FLT4: variants seen among roughly 807,000 people sequenced by gnomAD.
FLT4 encodes vascular endothelial growth factor receptor 3.
In FLT4, 30 loss-of-function variants were observed where a neutral mutation model predicts 163.2. That is an observed-to-expected ratio of 0.18 (90% CI 0.14 to 0.25). The LOEUF (loss-of-function observed/expected upper bound fraction) is 0.25, where lower values mean the gene tolerates loss of function less well. FLT4 is among the 10% of genes least tolerant of loss of function. The pLI is 1.00. For missense variants in FLT4, 1,510 were observed against 1,863.8 expected (o/e 0.81, Z 3.50); for synonymous variants, 884 against 789.5 (o/e 1.12, Z -2.01).
intron 1 of FLT4, among the ~76,000 whole-genome samples, chr5:180,647,798 AT>A (rs1440399850): frequency 6.6e-6 from 1 of 152,042 alleles, no homozygotes; most frequent in African/African-American, 2.4e-5. Flanking sequence ...CGCCCAACTA[AT>A]GCCCTCTCTC....
rs1486193235 is a variant in FLT4, at chr5:180,620,374, C to T, written c.2407-66G>A. The stretch of plus-strand genomic sequence containing the variant: ...TTTGGCCATACCACTGTGGCTTGGG[C>T]AGAACTTTGCCCAGGACAGATGGCA... On this transcript the variant is annotated intron_variant, in intron 16 of 29. Transcript: ENST00000261937. This position sits in a 1 kb window ranked among gnomAD's most constrained non-coding sequence, Gnocchi z 4.4. 2 of 1,594,874 alleles carry T rather than the reference C, an allele frequency of 1.3e-6. No homozygotes were observed. Among genetic ancestry groups the T allele is most frequent in the Non-Finnish European group, 1.7e-6 (2 of 1,170,932 alleles).
intron 1 of FLT4, among the ~76,000 whole-genome samples, chr5:180,633,909 C>A (rs940450027): frequency 9.9e-5 from 15 of 152,180 alleles, no homozygotes; most frequent in Non-Finnish European, 1.9e-4. Flanking sequence ...ATCCCGCCAC[C>A]CCTACTGAGG....
intron 29 of FLT4, chr5:180,608,245 T>A (rs980431265): frequency 1.4e-6 from 1 of 700,710 alleles, no homozygotes; most frequent in African/African-American, 1.7e-5. Context: ...GAGAAGAAAA[T>A]GCTGACGTAT....
At chr5:180,613,528 C>T (rs1259721270) in intron 24 of FLT4, 1 of 247,014 alleles carries the variant, frequency 4.0e-6, no homozygotes, top group Non-Finnish European at 7.8e-6. Flanking sequence ...CCTCCCAACC[C>T]CTGCTGCTCC....
At chr5:180,641,637 G>C (rs13354923) in intron 1 of FLT4, among the ~76,000 whole-genome samples, 7 of 152,134 alleles carry the variant, frequency 4.6e-5, no homozygotes, top group African/African-American at 1.7e-4. Flanking sequence ...CAGGGACCTG[G>C]GGGGAGGCAG....
intron 21 of FLT4, 88 bp from the exon 22 acceptor site, chr5:180,617,082 AGCCCCTCTCCT>A: frequency 1.1e-6 from 1 of 938,332 alleles, no homozygotes; most frequent in East Asian, 2.5e-5. Context: ...CAAGCATGTC[AGCCCCTCTCCT>A]GCCCCTCAGA....
intron 28 of FLT4, 78 bp downstream of exon 28, chr5:180,609,827 G>A (rs1018143812): frequency 4.4e-6 from 7 of 1,574,086 alleles, no homozygotes; most frequent in African/African-American, 4.1e-5. Flanking sequence ...TTTGCCTTAC[G>A]AATTCCTGAC....
At position 180,611,678 on chromosome 5, in the gene FLT4, CCT is replaced by C. The variant is rs10578761; in HGVS notation, c.3538-201_3538-200del. Reference sequence around the variant, plus strand: ...CTCGGGACTGCTTGGGCTCCTGACCCCTGAGATAGGGCCCTAACAGACCATGC... The same window carrying C: ...CTCGGGACTGCTTGGGCTCCTGACCCGAGATAGGGCCCTAACAGACCATGC... On this transcript the variant is annotated intron_variant, in intron 26 of 29. Transcript: ENST00000261937. The C allele has an allele frequency of 0.63, 399,319 of 635,644 alleles. 128,263 individuals carry two copies. Among genetic ancestry groups the C allele is most frequent in the Admixed American group, 0.71 (29,201 of 40,962 alleles). The allele number at this position is 635,644 out of a possible 1,614,324, so 39.4% of individuals were successfully genotyped here.
intron 23 of FLT4, among the ~76,000 whole-genome samples, chr5:180,614,466 T>C (rs1762477004): frequency 6.6e-6 from 1 of 152,060 alleles, no homozygotes; most frequent in African/African-American, 2.4e-5. Flanking sequence ...GGGTAGACTG[T>C]ACACCTTCCT....
rs567611756 is a variant in FLT4, at chr5:180,644,996, G to A, written c.58+4492C>T. On this transcript the variant is annotated intron_variant, in intron 1 of 29. Coordinates refer to ENST00000261937, the MANE Select transcript of FLT4 (RefSeq NM_182925.5). ...CCCAAAGGGCACGTCCAGGGTGGGC[G>A]AAAGGCCATGGTGCTGGGGCTGGTG... is the stretch of plus-strand genomic sequence containing the variant. 3.9e-5 allele frequency among the ~76,000 whole-genome samples: 6 copies of A among 152,344 alleles called. No individual in the cohort carries two copies. In the South Asian group the frequency reaches 8.3e-4, roughly 21 times the overall value.
chr5:180,602,573 G>A lies in FLT4; in HGVS notation c.*619C>T, dbSNP rs1761570684. The A allele has an allele frequency of 1.5e-5, 6 of 400,364 alleles. No individual in the cohort carries two copies. The highest frequency in any genetic ancestry group is 2.6e-5 in the Non-Finnish European group (6 of 227,086). The allele number at this position is 400,364 out of a possible 1,614,324, so 24.8% of individuals were successfully genotyped here. A position where few individuals can be genotyped will look rare whatever the true frequency, so the allele number is the denominator to read the frequency against. ...TGTGCGGGCTGCCTCTGTGTTGCCAGCGTATAATACTGTCATACTGGTGGC... is the reference window on the plus strand; with the variant it reads ...TGTGCGGGCTGCCTCTGTGTTGCCAACGTATAATACTGTCATACTGGTGGC... On this transcript the variant is annotated 3_prime_UTR_variant, in exon 30 of 30. Transcript: ENST00000261937.
chr5:180,620,985 G>T lies in FLT4; in HGVS notation c.2190C>A (p.Asn730Lys), dbSNP rs1763097699. ...GCACGCGCTGGATGCTCAGCTTCTG[G>T]TTGGAGTCCGCCAAGTCGACTCCTG... is the stretch of plus-strand genomic sequence containing the variant. ...EKSGVDLADS[N>K]QKLSIQRVRE... The change falls in exon 15 of 30, where the codon AAC becomes AAA. Residue 730 changes from asparagine to lysine, a missense_variant. This residue lies in a region of FLT4 where 878 missense variants were observed against 1,016.7 expected (regional missense o/e 0.86). Coordinates refer to ENST00000261937, the MANE Select transcript of FLT4 (RefSeq NM_182925.5). The surrounding 1 kb of genome is among the most constrained non-coding windows in gnomAD (Gnocchi z 4.4). 1 of 1,611,296 alleles carries T rather than the reference G, an allele frequency of 6.2e-7. No individual in the cohort carries two copies. Among genetic ancestry groups the T allele is most frequent in the Non-Finnish European group, 8.5e-7 (1 of 1,179,064 alleles).
At chr5:180,621,407 G>T in intron 13 of FLT4, 135 bp downstream of exon 13, 4 of 1,436,876 alleles carry the variant, frequency 2.8e-6, no homozygotes, top group South Asian at 2.7e-5. Flanking sequence ...GGGGGCGGCG[G>T]ATAGTCAGGA....
At chr5:180,608,922 G>A in intron 29 of FLT4, 46 bp downstream of exon 29, 2 of 1,505,844 alleles carry the variant, frequency 1.3e-6, no homozygotes, top group Non-Finnish European at 1.8e-6. Context: ...CTCCAGGGGA[G>A]GGCAACATCG....
chr5:180,607,960 C>T, intron 29 of FLT4: 1 of 617,358 alleles, frequency 1.6e-6, no homozygotes, highest in Admixed American at 2.7e-5. Context: ...GGGAAGGCAC[C>T]TGTTACTCAG....
At chr5:180,641,764 G>A (rs1440045634) in intron 1 of FLT4, among the ~76,000 whole-genome samples, 10 of 152,180 alleles carry the variant, frequency 6.6e-5, no homozygotes, top group Admixed American at 1.3e-4. Flanking sequence ...AGCTGAGCCC[G>A]CATGCCCGGC....
intron 23 of FLT4, among the ~76,000 whole-genome samples, chr5:180,614,895 C>T (rs529257004): frequency 2.6e-5 from 4 of 152,298 alleles, no homozygotes; most frequent in East Asian, 1.9e-4. Flanking sequence ...CCCCCAGGCG[C>T]GGAACCCTGA....
At chr5:180,607,313 G>C (rs539276511) in intron 29 of FLT4, among the ~76,000 whole-genome samples, 1 of 152,252 alleles carries the variant, frequency 6.6e-6, no homozygotes, top group East Asian at 1.9e-4. Context: ...TGAGGCAAGA[G>C]ACTGAAGGCA....
rs950529606 is a variant in FLT4, at chr5:180,621,789, G to A, written c.1773C>T (p.Tyr591=). The change falls in exon 13 of 30, where the codon TAC becomes TAT. Residue 591 remains tyrosine (Y), a synonymous_variant. Coordinates refer to ENST00000261937, the MANE Select transcript of FLT4 (RefSeq NM_182925.5). ...DSYKYEHLRW[Y]RLNLSTLHDA... The stretch of plus-strand genomic sequence containing the variant: ...CGTGCAGCGTGGACAGGTTGAGGCG[G>A]TACCAGCGCAGATGCTCGTACTTGT... 2 of 1,613,280 alleles carry A rather than the reference G, an allele frequency of 1.2e-6. No homozygotes were observed. The highest frequency in any genetic ancestry group is 2.2e-5 in the East Asian group (1 of 44,886).
Sources: gnomAD v4.1 joint callset for allele counts (sites outside exome capture counted in the v4.1 genomes callset) on GRCh38, gnomAD v4.1.1 for gene constraint, gnomAD v4.1.1 regional missense constraint, Gnocchi (gnomAD v3.1) non-coding constraint, MANE v1.5 for transcripts, NCBI Gene and HGNC (gene_info 2026-07-23, HGNC 2026-07-21) for gene names.